Variants in C9orf85 observed in about 807,000 individuals in gnomAD.
C9orf85 encodes chromosome 9 open reading frame 85.
Under a neutral mutation model 14.9 loss-of-function variants are expected in C9orf85, and 16 were observed. The observed-to-expected ratio is 1.08, with a 90% CI of 0.73 to 1.63. The LOEUF (loss-of-function observed/expected upper bound fraction) is 1.63, where lower values mean the gene tolerates loss of function less well. Ranked by LOEUF, C9orf85 falls within the 40% of genes most tolerant of loss-of-function variation. The probability of loss-of-function intolerance (pLI) is 0.00; values close to 1 mark genes in which losing one functional copy is unlikely to be tolerated. For synonymous variants in C9orf85, 45 were observed against 56.8 expected (o/e 0.79, Z 0.93); for missense variants, 172 against 186.1 (o/e 0.92, Z 0.44).
downstream of C9orf85, among the ~76,000 whole-genome samples, chr9:71,974,548 TTTG>T (rs1359185439): frequency 2.0e-5 from 3 of 152,176 alleles, no homozygotes; most frequent in African/African-American, 4.8e-5. Flanking sequence ...TGGCCCATAG[TTTG>T]TTTTTTCTAA....
downstream of C9orf85, among the ~76,000 whole-genome samples, chr9:71,974,875 AT>A (rs749039276): frequency 2.6e-5 from 4 of 152,146 alleles, no homozygotes; most frequent in Non-Finnish European, 5.9e-5. Flanking sequence ...TAATAATTGT[AT>A]TTCTAATTAC....
chr9:71,953,685 A>T (rs138815058), intron 2 of C9orf85, among the ~76,000 whole-genome samples: 2 of 152,064 alleles, frequency 1.3e-5, no homozygotes, highest in Non-Finnish European at 2.9e-5. Flanking sequence ...TTACCTATTC[A>T]TACTTCATTG....
chr9:71,955,308 G>C (rs1822357038), intron 2 of C9orf85, among the ~76,000 whole-genome samples: 1 of 152,108 alleles, frequency 6.6e-6, no homozygotes, highest in Admixed American at 6.6e-5. Flanking sequence ...TATGTTAAAA[G>C]AAAACTTTAG....
At position 71,947,207 on chromosome 9, in the gene C9orf85, TTAAAG is replaced by T. The variant is rs535064883; in HGVS notation, c.209+100_209+104del. ...TTTCAAAATTGTGTCCAAATAAATGTTAAAGTAAATGATGAAAAAATTCCATTCTC... is the reference window on the plus strand; with the variant it reads ...TTTCAAAATTGTGTCCAAATAAATGTTAAATGATGAAAAAATTCCATTCTC... On this transcript the variant is annotated intron_variant, in intron 2 of 3. Coordinates refer to ENST00000334731, the MANE Select transcript of C9orf85 (RefSeq NM_182505.5). 133 of 799,112 alleles carry T rather than the reference TTAAAG, an allele frequency of 1.7e-4. No individual in the cohort carries two copies. The African/African-American group carries it at 2.0e-3, about 12-fold the overall frequency. The allele number at this position is 799,112 out of a possible 1,614,324, so 49.5% of individuals were successfully genotyped here. A position where few individuals can be genotyped will look rare whatever the true frequency, so the allele number is the denominator to read the frequency against.
chr9:71,936,595 G>C (rs1194381418), intron 1 of C9orf85, among the ~76,000 whole-genome samples: 1 of 152,004 alleles, frequency 6.6e-6, no homozygotes, highest in African/African-American at 2.4e-5. Flanking sequence ...AGTTTTTCTT[G>C]AGTTATTATT....
chr9:71,933,013 GC>G (rs1449923671), intron 1 of C9orf85, among the ~76,000 whole-genome samples: 1 of 152,266 alleles, frequency 6.6e-6, no homozygotes, highest in East Asian at 1.9e-4. Flanking sequence ...GCATTTTTGA[GC>G]AGCCAGAAGA....
rs1333023517 is a variant in C9orf85, at chr9:71,943,974, GC to G, written c.103-3030del. Reference sequence around the variant, plus strand: ...GTATAGGCCGGGTGCGGTGGCTCACGCCTATAATCCCAGCACTTTGGGAGGC... The same window carrying G: ...GTATAGGCCGGGTGCGGTGGCTCACGCTATAATCCCAGCACTTTGGGAGGC... On this transcript the variant is annotated intron_variant, in intron 1 of 3. Coordinates refer to ENST00000334731, the MANE Select transcript of C9orf85 (RefSeq NM_182505.5). 4.6e-5 allele frequency among the ~76,000 whole-genome samples: 7 copies of G among 150,684 alleles called. No homozygotes were observed. In the East Asian group the frequency reaches 1.4e-3, roughly 31 times the overall value.
At chr9:71,978,405 C>T (rs1262311910), downstream of C9orf85, among the ~76,000 whole-genome samples, 4 of 152,138 alleles carry the variant, frequency 2.6e-5, no homozygotes, top group Non-Finnish European at 4.4e-5. Context: ...CCACTGCGCC[C>T]GGTCACTTTT....
At chr9:71,968,095 T>TAGAG (rs1278553423) in intron 2 of C9orf85, among the ~76,000 whole-genome samples, 154 of 15,004 alleles carry the variant, frequency 0.01, no homozygotes, top group East Asian at 0.035. Context: ...TGCATATATA[T>TAGAG]ATATATAGAG....
rs1413934448 is a variant in C9orf85 at position 71,965,824 on chromosome 9, C to G, written c.210-5681C>G. Among the ~76,000 whole-genome samples the G allele has an allele frequency of 5.9e-5, 9 of 152,150 alleles. No homozygotes were observed. In the East Asian group the frequency reaches 1.5e-3, roughly 26 times the overall value. On this transcript the variant is annotated intron_variant, in intron 2 of 3. Coordinates refer to ENST00000334731, the MANE Select transcript of C9orf85 (RefSeq NM_182505.5). The stretch of plus-strand genomic sequence containing the variant: ...TGTTTTTATTTGACCATAGTTTCCA[C>G]TAAAATGATTAGTTGTGGTATATGT...
chr9:71,943,091 C>T (rs548295084), intron 1 of C9orf85, among the ~76,000 whole-genome samples: 1 of 152,184 alleles, frequency 6.6e-6, no homozygotes, highest in African/African-American at 2.4e-5. Context: ...ATAAAAGTTT[C>T]TATTTCTGGA....
At chr9:71,953,496 A>ATG (rs1386731654) in intron 2 of C9orf85, among the ~76,000 whole-genome samples, 2 of 152,140 alleles carry the variant, frequency 1.3e-5, no homozygotes, top group African/African-American at 4.8e-5. Context: ...TACTCTAGAG[A>ATG]TGTCTGGCCT....
intron 2 of C9orf85, among the ~76,000 whole-genome samples, chr9:71,967,838 T>G (rs1438065307): frequency 6.6e-6 from 1 of 151,824 alleles, no homozygotes; most frequent in Non-Finnish European, 1.5e-5. Context: ...AGGTATTCAG[T>G]CTTTCATCAT....
chr9:71,947,114 T>C lies in C9orf85; in HGVS notation c.209+2T>C, dbSNP rs749754822. On this transcript the variant is annotated splice_donor_variant, in intron 2 of 3. Coordinates refer to ENST00000334731, the MANE Select transcript of C9orf85 (RefSeq NM_182505.5). LOFTEE classifies it high-confidence loss of function. The stretch of plus-strand genomic sequence containing the variant: ...ACCATTATCAAAACCTAAAAAGTGG[T>C]GAGTTAAGATTCTTCATTACCTTAC... 1.3e-6 allele frequency: 2 copies of C among 1,591,754 alleles called. No homozygotes were observed. The highest frequency in any genetic ancestry group is 2.7e-5 in the African/African-American group (2 of 74,482).
intron 1 of C9orf85, chr9:71,918,412 A>C: frequency 7.7e-7 from 1 of 1,299,962 alleles, no homozygotes; most frequent in South Asian, 1.2e-5. Context: ...TTTCATCTTT[A>C]CCTTTTTGTA....
At chr9:71,969,933 T>C (rs1283746323) in intron 2 of C9orf85, among the ~76,000 whole-genome samples, 1 of 128,958 alleles carries the variant, frequency 7.8e-6, no homozygotes, top group Admixed American at 9.5e-5. Flanking sequence ...ATACTTTATA[T>C]AAATTTCAGG....
chr9:71,983,561 G>A (rs1028966399), downstream of C9orf85: 4 of 152,320 alleles, frequency 2.6e-5, no homozygotes, highest in East Asian at 5.8e-4. Context: ...ATTGACAGAG[G>A]TTTGGACTCC....
intron 1 of C9orf85, 52 bp from the exon 2 acceptor site, chr9:71,946,954 A>C (rs1678601927): frequency 1.6e-6 from 2 of 1,259,614 alleles, no homozygotes; most frequent in African/African-American, 3.0e-5. Context: ...TGGGATTTGC[A>C]ATGCTGGCTC....
chr9:71,935,836 T>C (rs1828175242), intron 1 of C9orf85, among the ~76,000 whole-genome samples: 1 of 152,070 alleles, frequency 6.6e-6, no homozygotes. Context: ...ATGTATTTAA[T>C]ACCACTCAAC....
Sources: allele counts gnomAD v4.1 joint callset (sites outside exome capture counted in the v4.1 genomes callset), GRCh38; gene constraint gnomAD v4.1.1; transcripts MANE v1.5; gene names NCBI Gene and HGNC (gene_info 2026-07-23, HGNC 2026-07-21).